GPC5: variants seen among roughly 807,000 people sequenced by gnomAD.
The protein encoded by GPC5 is glypican-5.
In GPC5, 47 loss-of-function variants were observed where a neutral mutation model predicts 53.9. That is an observed-to-expected ratio of 0.87 (90% CI 0.69 to 1.11). The LOEUF (loss-of-function observed/expected upper bound fraction) is 1.11. Ranked by LOEUF, GPC5 falls within the 50% of genes most tolerant of loss-of-function variation. The pLI is 0.00. For synonymous variants in GPC5, 286 were observed against 263.3 expected, an observed-to-expected ratio of 1.09 and a Z score of -0.84; for missense variants, 748 against 713.1, an observed-to-expected ratio of 1.05 and a Z score of -0.56.
At chr13:91,622,082 T>C (rs1359469643) in intron 2 of GPC5, among the ~76,000 whole-genome samples, 1 of 152,000 alleles carries the variant, frequency 6.6e-6, no homozygotes, top group South Asian at 2.1e-4. Context: ...TGCCCTTCCA[T>C]CTTCTCTTGC....
chr13:92,613,295 TA>T (rs970000304), intron 7 of GPC5, among the ~76,000 whole-genome samples: 3 of 118,398 alleles, frequency 2.5e-5, no homozygotes, highest in South Asian at 2.3e-4. Context: ...ATTTTATATA[TA>T]AAAATATATA....
At chr13:92,225,301 T>C (rs988532867) in intron 7 of GPC5, among the ~76,000 whole-genome samples, 2 of 152,220 alleles carry the variant, frequency 1.3e-5, no homozygotes, top group African/African-American at 4.8e-5. Context: ...TTTAAGCTAT[T>C]TGAATGTGTA....
At chr13:91,647,070 CGTGT>C (rs66824666) in intron 2 of GPC5, among the ~76,000 whole-genome samples, 61,223 of 143,394 alleles carry the variant, frequency 0.43, 13,354 homozygotes, top group East Asian at 0.57. Context: ...TATATATATG[CGTGT>C]GTGTGTGTGT....
chr13:92,795,685 T>A (rs1032667503), intron 7 of GPC5, among the ~76,000 whole-genome samples: 17 of 151,596 alleles, frequency 1.1e-4, no homozygotes, highest in African/African-American at 4.1e-4. Flanking sequence ...AGCAGCCCCA[T>A]CACAAAGTGG....
At chr13:92,700,670 G>T (rs1333843440) in intron 7 of GPC5, among the ~76,000 whole-genome samples, 2 of 151,948 alleles carry the variant, frequency 1.3e-5, no homozygotes, top group Non-Finnish European at 2.9e-5. Context: ...GAATTAACTT[G>T]TTACATTTTC....
At chr13:92,573,945 A>C (rs1321196165) in intron 7 of GPC5, among the ~76,000 whole-genome samples, 2 of 152,128 alleles carry the variant, frequency 1.3e-5, no homozygotes, top group Non-Finnish European at 2.9e-5. Flanking sequence ...AAACCGACGA[A>C]GTTCTCCGTC....
Position 92,283,882 on chromosome 13 carries a change from A to T in GPC5, c.1561+138893A>T, listed in dbSNP as rs1268359082. Among the ~76,000 whole-genome samples, 10 of 152,350 alleles carry T rather than the reference A, an allele frequency of 6.6e-5. No homozygotes were observed. In the South Asian group the frequency reaches 1.0e-3, roughly 16 times the overall value. ...CAAAAGCTAGCAGAAGGCAAGAAAT[A>T]ACTAAGATCAGAGCAGAACTGAAGG... On this transcript the variant is annotated intron_variant, in intron 7 of 7. Transcript: ENST00000377067.
intron 7 of GPC5, among the ~76,000 whole-genome samples, chr13:92,231,224 G>T (rs1392477482): frequency 6.6e-6 from 1 of 152,142 alleles, no homozygotes; most frequent in South Asian, 2.1e-4. Context: ...AACACAATTT[G>T]ATATAATGTT....
intron 1 of GPC5, among the ~76,000 whole-genome samples, chr13:91,419,846 C>G (rs1485593215): frequency 6.6e-6 from 1 of 152,136 alleles, no homozygotes; most frequent in Non-Finnish European, 1.5e-5. Context: ...CAGGATGTAC[C>G]TAGTTGTTTG....
At chr13:91,970,207 G>A (rs561382909) in intron 6 of GPC5, among the ~76,000 whole-genome samples, 88 of 152,212 alleles carry the variant, frequency 5.8e-4, no homozygotes, top group Non-Finnish European at 1.0e-3. Flanking sequence ...ATTTATATGT[G>A]GAACCTAAAA....
chr13:92,447,201 C>A (rs1323491612), intron 7 of GPC5: 2 of 152,134 alleles, frequency 1.3e-5, no homozygotes, highest in African/African-American at 4.8e-5. Flanking sequence ...TTCAAGAAAT[C>A]TTTGCCTAGT....
At chr13:92,716,638 T>G (rs1888336319) in intron 7 of GPC5, among the ~76,000 whole-genome samples, 1 of 152,164 alleles carries the variant, frequency 6.6e-6, no homozygotes, top group African/African-American at 2.4e-5. Context: ...TTTTTATAAA[T>G]TAATGTATGG....
chr13:91,665,488 A>C lies in GPC5; in HGVS notation c.326-27699A>C, dbSNP rs143199618. ...AGACAAATAAGCTGTGGATGTGGGCATTCAGGAAAAGCCAGTCTTTTTTTT... is the reference window on the plus strand; with the variant it reads ...AGACAAATAAGCTGTGGATGTGGGCCTTCAGGAAAAGCCAGTCTTTTTTTT... On this transcript the variant is annotated intron_variant, in intron 2 of 7. Coordinates refer to ENST00000377067, the MANE Select transcript of GPC5 (RefSeq NM_004466.6). Among the ~76,000 whole-genome samples, 777 of 145,322 alleles carry C rather than the reference A, an allele frequency of 5.3e-3. 9 individuals are homozygous for C. Among genetic ancestry groups the C allele is most frequent in the African/African-American group, 0.02 (740 of 36,878 alleles).
intron 2 of GPC5, among the ~76,000 whole-genome samples, chr13:91,556,827 G>A (rs1594249037): frequency 6.6e-6 from 1 of 152,008 alleles, no homozygotes; most frequent in Non-Finnish European, 1.5e-5. Context: ...GGGAAAGGGT[G>A]TGAGGGGGGT....
intron 7 of GPC5, among the ~76,000 whole-genome samples, chr13:92,369,975 A>G (rs1462997059): frequency 2.6e-5 from 4 of 152,210 alleles, no homozygotes; most frequent in Admixed American, 2.0e-4. Flanking sequence ...GTTTTTAGGC[A>G]GGTTCACTTT....
chr13:91,462,340 T>A (rs1397295034), intron 2 of GPC5, among the ~76,000 whole-genome samples: 1 of 152,164 alleles, frequency 6.6e-6, no homozygotes, highest in Non-Finnish European at 1.5e-5. Flanking sequence ...TGTGAGTTAT[T>A]AGATAGTATC....
At chr13:91,832,047 G>A (rs1301033495) in intron 5 of GPC5, among the ~76,000 whole-genome samples, 1 of 151,892 alleles carries the variant, frequency 6.6e-6, no homozygotes, top group East Asian at 1.9e-4. Flanking sequence ...CTGTCTAATA[G>A]TGACAGTGGA....
intron 4 of GPC5, among the ~76,000 whole-genome samples, chr13:91,738,198 T>C (rs749765314): frequency 6.6e-6 from 1 of 151,494 alleles, no homozygotes; most frequent in Non-Finnish European, 1.5e-5. Flanking sequence ...AAAATTTTCT[T>C]TATAGATGTA....
At chr13:91,457,186 T>A (rs973962857) in intron 2 of GPC5, among the ~76,000 whole-genome samples, 1 of 152,092 alleles carries the variant, frequency 6.6e-6, no homozygotes, top group Non-Finnish European at 1.5e-5. Context: ...TATCAAAATA[T>A]TTAGTTTTTG....
Sources: allele counts gnomAD v4.1 joint callset (sites outside exome capture counted in the v4.1 genomes callset), GRCh38; gene constraint gnomAD v4.1.1; transcripts MANE v1.5; gene names NCBI Gene and HGNC (gene_info 2026-07-23, HGNC 2026-07-21).